Variants in TLN2 observed in about 807,000 individuals in gnomAD.
TLN2 encodes the protein talin-2.
Under a neutral mutation model 294.7 loss-of-function variants are expected in TLN2, and 118 were observed. That is an observed-to-expected ratio of 0.40 (90% CI 0.34 to 0.47). The LOEUF (loss-of-function observed/expected upper bound fraction) is 0.47, where lower values mean the gene tolerates loss of function less well. Ranked by LOEUF, TLN2 falls within the 20% of genes least tolerant of loss-of-function variation. The probability of loss-of-function intolerance (pLI) is 0.84; values close to 1 mark genes in which losing one functional copy is unlikely to be tolerated. For synonymous variants in TLN2, 1,431 were observed against 1,304.5 expected (o/e 1.10, Z -2.09); for missense variants, 3,083 against 3,282.2 (o/e 0.94, Z 1.48).
At chr15:62,470,959 T>G (rs2037436818) in intron 1 of TLN2, among the ~76,000 whole-genome samples, 2 of 152,240 alleles carry the variant, frequency 1.3e-5, no homozygotes, top group Non-Finnish European at 2.9e-5. Context: ...TAGACAATAC[T>G]TGACATATAT....
intron 14 of TLN2, among the ~76,000 whole-genome samples, 179 bp from the exon 15 acceptor site, chr15:62,697,509 C>G (rs776203033): frequency 6.6e-6 from 1 of 152,238 alleles, no homozygotes; most frequent in African/African-American, 2.4e-5. Flanking sequence ...GGATTCATCT[C>G]AGAGCTCTGC....
chr15:62,461,598 C>T (rs1335177733), intron 1 of TLN2, among the ~76,000 whole-genome samples: 2 of 152,228 alleles, frequency 1.3e-5, no homozygotes, highest in Non-Finnish European at 2.9e-5. Flanking sequence ...CTGAGCATCA[C>T]TGCGGGCCAG....
chr15:62,457,615 C>T (rs1191294640), intron 1 of TLN2, among the ~76,000 whole-genome samples: 1 of 152,166 alleles, frequency 6.6e-6, no homozygotes, highest in Admixed American at 6.5e-5. Context: ...GGACAGCGTT[C>T]TGGTGGCGAG....
intron 1 of TLN2, among the ~76,000 whole-genome samples, chr15:62,395,011 G>A (rs971251202): frequency 3.9e-5 from 6 of 152,060 alleles, no homozygotes; most frequent in Non-Finnish European, 8.8e-5. Flanking sequence ...TGTAGAACAA[G>A]GAATGAACAT....
chr15:62,506,905 A>G (rs186711994), intron 1 of TLN2, among the ~76,000 whole-genome samples: 157 of 152,174 alleles, frequency 1.0e-3, no homozygotes, highest in Non-Finnish European at 2.0e-3. Context: ...CCTTATTTTT[A>G]TTTTTTATTT....
chr15:62,523,997 T>C (rs1448864089), intron 1 of TLN2, among the ~76,000 whole-genome samples: 1 of 152,242 alleles, frequency 6.6e-6, no homozygotes, highest in South Asian at 2.1e-4. Flanking sequence ...TCCAGGTTAC[T>C]AGTATTAGAT....
chr15:62,644,487 C>T (rs749181679), intron 3 of TLN2: 1 of 456,084 alleles, frequency 2.2e-6, no homozygotes, highest in South Asian at 1.5e-5. Flanking sequence ...TATTCCACCT[C>T]TCCACTGAAT....
intron 1 of TLN2, among the ~76,000 whole-genome samples, chr15:62,545,278 T>C (rs1008782130): frequency 1.3e-5 from 2 of 151,744 alleles, no homozygotes; most frequent in Non-Finnish European, 2.9e-5. Context: ...TACAGAAAAA[T>C]TGGGGGGTGA....
intron 1 of TLN2, among the ~76,000 whole-genome samples, chr15:62,509,549 A>G (rs904915204): frequency 2.0e-5 from 3 of 152,172 alleles, no homozygotes; most frequent in African/African-American, 7.2e-5. Context: ...CTGACACAGC[A>G]GTGTGGGTGC....
intron 1 of TLN2, among the ~76,000 whole-genome samples, chr15:62,533,377 C>A (rs2041160835): frequency 6.6e-6 from 1 of 151,528 alleles, no homozygotes; most frequent in Non-Finnish European, 1.5e-5. Context: ...TCAGGGAAAG[C>A]TGGTCAGGGG....
chr15:62,702,153 G>A lies in TLN2; in HGVS notation c.1858G>A (p.Gly620Arg). ...DLLRAARTLA[G>R]AVSDLLKAVQ... ...GCTCAGAGCTGCCAGGACCCTCGCT[G>A]GGGCGGTGTCAGACTTGCTGAAAGC... The change falls in exon 18 of 59, where the codon GGG (glycine) becomes AGG (arginine). Residue 620 changes from glycine (G) to arginine (R), a missense_variant. Coordinates refer to ENST00000636159, the MANE Select transcript of TLN2 (RefSeq NM_015059.3). 1 of 1,612,442 alleles carries A rather than the reference G, an allele frequency of 6.2e-7. No homozygotes were observed. The highest frequency in any genetic ancestry group is 8.5e-7 in the Non-Finnish European group (1 of 1,179,344).
chr15:62,441,389 G>A (rs1391332620), intron 1 of TLN2, among the ~76,000 whole-genome samples: 1 of 152,168 alleles, frequency 6.6e-6, no homozygotes, highest in Non-Finnish European at 1.5e-5. Flanking sequence ...ATGCAACCAT[G>A]CCTGGCTTTT....
intron 21 of TLN2, 104 bp from the exon 22 acceptor site, chr15:62,711,807 T>C (rs1387383518): frequency 2.8e-5 from 38 of 1,334,164 alleles, no homozygotes; most frequent in Non-Finnish European, 1.0e-6. Flanking sequence ...GTTTTTTTGC[T>C]CCTGCTTACC....
chr15:62,533,752 C>T (rs879681908), intron 1 of TLN2, among the ~76,000 whole-genome samples: 1 of 152,084 alleles, frequency 6.6e-6, no homozygotes, highest in Middle Eastern at 3.2e-3. Context: ...TGTAGGCTTC[C>T]CTGGTGCTTT....
At chr15:62,445,644 G>A (rs1420039379) in intron 1 of TLN2, among the ~76,000 whole-genome samples, 3 of 151,940 alleles carry the variant, frequency 2.0e-5, no homozygotes, top group African/African-American at 7.3e-5. Context: ...ACAGATGTCA[G>A]TATTAGATTT....
At chr15:62,745,467 T>C (rs2061560664) in intron 32 of TLN2, among the ~76,000 whole-genome samples, 1 of 152,210 alleles carries the variant, frequency 6.6e-6, no homozygotes, top group South Asian at 2.1e-4. Context: ...TATTGAAATT[T>C]TTTCTTTCAA....
intron 14 of TLN2, among the ~76,000 whole-genome samples, chr15:62,696,153 G>C (rs1419732647): frequency 6.6e-6 from 1 of 152,184 alleles, no homozygotes; most frequent in Non-Finnish European, 1.5e-5. Context: ...TTTCTCCATG[G>C]ATGCCTGTTG....
intron 28 of TLN2, among the ~76,000 whole-genome samples, chr15:62,729,042 A>T (rs1039204501): frequency 5.9e-5 from 9 of 152,130 alleles, no homozygotes; most frequent in Admixed American, 1.3e-4. Flanking sequence ...GGATTCATTT[A>T]ATTGTTTTTC....
intron 1 of TLN2, among the ~76,000 whole-genome samples, chr15:62,543,633 T>C (rs2041825544): frequency 6.6e-6 from 1 of 151,868 alleles, no homozygotes; most frequent in Non-Finnish European, 1.5e-5. Context: ...TGTGCGCCTG[T>C]AGTCCCAGCT....
Sources: allele counts gnomAD v4.1 joint callset (sites outside exome capture counted in the v4.1 genomes callset), GRCh38; gene constraint gnomAD v4.1.1; transcripts MANE v1.5; gene names NCBI Gene and HGNC (gene_info 2026-07-23, HGNC 2026-07-21).